GLI3: variants seen among roughly 807,000 people sequenced by gnomAD.
GLI3 encodes GLI family zinc finger 3.
Under a neutral mutation model 100.8 loss-of-function variants are expected in GLI3, and 20 were observed. That is an observed-to-expected ratio of 0.20 (90% CI 0.14 to 0.29). GLI3 has a LOEUF of 0.29. GLI3 is among the 10% of genes least tolerant of loss of function. GLI3 has a pLI of 1.00. For synonymous variants in GLI3, 938 were observed against 860.5 expected (o/e 1.09, Z -1.58); for missense variants, 2,040 against 2,128.5 (o/e 0.96, Z 0.82).
At chr7:42,013,627 C>T (rs1388258036) in intron 10 of GLI3, among the ~76,000 whole-genome samples, 1 of 152,074 alleles carries the variant, frequency 6.6e-6, no homozygotes, top group Non-Finnish European at 1.5e-5. Context: ...CCCACCACGG[C>T]CTCCCAAAGT....
intron 3 of GLI3, among the ~76,000 whole-genome samples, chr7:42,132,084 T>TATTTATTTATTTATTC (rs1310004097): frequency 1.3e-5 from 2 of 151,788 alleles, no homozygotes; most frequent in African/African-American, 4.8e-5. Flanking sequence ...ATTATTTATT[T>TATTTATTTATTTATTC]ATTTATTTAT....
At chr7:42,063,618 G>A (rs1784615579) in intron 4 of GLI3, among the ~76,000 whole-genome samples, 1 of 152,170 alleles carries the variant, frequency 6.6e-6, no homozygotes, top group African/African-American at 2.4e-5. Flanking sequence ...CAACTTCAGA[G>A]ATGTTAAAAG....
intron 2 of GLI3, among the ~76,000 whole-genome samples, chr7:42,204,785 T>C (rs1788116088): frequency 6.6e-6 from 1 of 152,114 alleles, no homozygotes; most frequent in Non-Finnish European, 1.5e-5. Context: ...TGAGACAGAA[T>C]TCTCCTGGAC....
chr7:42,069,199 A>G (rs1784738012), intron 4 of GLI3, among the ~76,000 whole-genome samples: 1 of 152,208 alleles, frequency 6.6e-6, no homozygotes, highest in African/African-American at 2.4e-5. Context: ...CTCTGAATAT[A>G]CACTATAATT....
rs1404179936 is a variant in GLI3 at position 42,085,714 on chromosome 7, TGCTTTG to T, written c.368-8863_368-8858del. The stretch of plus-strand genomic sequence containing the variant: ...AGGTACCTTCATGAAATGTCAATCC[TGCTTTG>T]GAGGCGGCAACCCTGAGGAGCTCTC... On this transcript the variant is annotated intron_variant, in intron 3 of 14. Transcript: ENST00000395925. Among the ~76,000 whole-genome samples, 28 of 152,284 alleles carry T rather than the reference TGCTTTG, an allele frequency of 1.8e-4. 1 individual carries two copies. In the South Asian group the frequency reaches 5.4e-3, roughly 29 times the overall value.
At chr7:42,213,439 A>G (rs1788310383) in intron 2 of GLI3, among the ~76,000 whole-genome samples, 1 of 152,100 alleles carries the variant, frequency 6.6e-6, no homozygotes, top group African/African-American at 2.4e-5. Flanking sequence ...AGTCTAATTG[A>G]GTTTCGTGAC....
intron 7 of GLI3, among the ~76,000 whole-genome samples, chr7:42,034,134 A>G (rs1789371274): frequency 6.6e-6 from 1 of 152,204 alleles, no homozygotes; most frequent in African/African-American, 2.4e-5. Context: ...TGGTTAGAAA[A>G]ATCATGTTAA....
At chr7:42,114,224 G>A (rs1388225624) in intron 3 of GLI3, among the ~76,000 whole-genome samples, 1 of 152,180 alleles carries the variant, frequency 6.6e-6, no homozygotes, top group African/African-American at 2.4e-5. Flanking sequence ...TGCTAAATGC[G>A]AAATGTCAAC....
chr7:42,140,042 T>A (rs1001060171), intron 3 of GLI3, among the ~76,000 whole-genome samples: 2 of 152,198 alleles, frequency 1.3e-5, no homozygotes, highest in Admixed American at 1.3e-4. Context: ...ACCACAAAGA[T>A]TCTTCTCAAG....
chr7:41,964,663 C>T lies in GLI3; in HGVS notation c.4410G>A (p.Gln1470=). 1 of 1,614,132 alleles carries T rather than the reference C, an allele frequency of 6.2e-7. No individual in the cohort carries two copies. The highest frequency in any genetic ancestry group is 8.5e-7 in the Non-Finnish European group (1 of 1,179,940). ...ACTCAGAGTTTTTGGCGCTGGTCCC[C>T]TGTAGCAGGCAGCTGGCGTCTGAAA... ...FSISDASCLL[Q]GTSAKNSELL... The change falls in exon 15 of 15, where the codon CAG becomes CAA. Residue 1470 remains glutamine, a synonymous_variant. Transcript: ENST00000395925.
rs1788598259 is a variant in GLI3, at chr7:42,011,011, C to T, written c.1497+12457G>A. The stretch of plus-strand genomic sequence containing the variant: ...GAACCTACACCCCATTCCTCTGAAT[C>T]ACCATTTAGAAATAAAATGTGGTCA... On this transcript the variant is annotated intron_variant, in intron 10 of 14. Transcript: ENST00000395925. Among the ~76,000 whole-genome samples the T allele has an allele frequency of 1.3e-5, 2 of 152,332 alleles. 1 individual carries two copies. Among genetic ancestry groups the T allele is most frequent in the Admixed American group, 1.3e-4 (2 of 15,306 alleles).
chr7:42,046,117 GA>G, intron 5 of GLI3, among the ~76,000 whole-genome samples: 1 of 152,186 alleles, frequency 6.6e-6, no homozygotes, highest in South Asian at 2.1e-4. Context: ...AAATCAAAAA[GA>G]AAATATACCT....
chr7:42,049,115 G>A (rs1430224477), intron 4 of GLI3, among the ~76,000 whole-genome samples: 1 of 151,708 alleles, frequency 6.6e-6, no homozygotes, highest in African/African-American at 2.4e-5. Context: ...AAATAAGAAA[G>A]AAAAGAAAAG....
intron 5 of GLI3, among the ~76,000 whole-genome samples, chr7:42,046,555 G>T (rs1212559343): frequency 6.6e-6 from 1 of 152,140 alleles, no homozygotes; most frequent in Non-Finnish European, 1.5e-5. Context: ...GAAAAGGAAG[G>T]CAAATGAACC....
chr7:42,186,480 A>G (rs369366775), intron 2 of GLI3, among the ~76,000 whole-genome samples: 118 of 152,322 alleles, frequency 7.7e-4, no homozygotes, highest in African/African-American at 2.8e-3. Context: ...TCTCAAAACA[A>G]GATCATGTGC....
chr7:42,055,508 T>C (rs1562706604), intron 4 of GLI3, among the ~76,000 whole-genome samples: 2 of 152,034 alleles, frequency 1.3e-5, no homozygotes, highest in East Asian at 1.9e-4. Context: ...TGGTATGGCA[T>C]TGCTCCCCCA....
Position 42,012,379 on chromosome 7 carries a change from C to T in GLI3, c.1497+11089G>A, listed in dbSNP as rs537596291. Among the ~76,000 whole-genome samples the T allele has an allele frequency of 7.2e-5, 11 of 152,152 alleles. No individual in the cohort carries two copies. The South Asian group carries it at 2.3e-3, about 32-fold the overall frequency. On this transcript the variant is annotated intron_variant, in intron 10 of 14. Coordinates refer to ENST00000395925, the MANE Select transcript of GLI3 (RefSeq NM_000168.6). ...TTTTAGAATCCACCTTGCTCCTCTC[C>T]CCCCTCCCTTTTCTTCTTCTCTCTC... is the stretch of plus-strand genomic sequence containing the variant.
At chr7:42,042,207 G>A (rs902069749) in intron 6 of GLI3, among the ~76,000 whole-genome samples, 2 of 151,870 alleles carry the variant, frequency 1.3e-5, no homozygotes, top group Non-Finnish European at 2.9e-5. Flanking sequence ...CAGAGACGGG[G>A]GTTTCACTGT....
intron 3 of GLI3, among the ~76,000 whole-genome samples, chr7:42,135,646 A>G (rs776794715): frequency 4.6e-5 from 7 of 152,066 alleles, no homozygotes; most frequent in Non-Finnish European, 8.8e-5. Context: ...TCTTTAAGTT[A>G]TTGGTTGAGA....
Sources: gnomAD v4.1 joint callset for allele counts (sites outside exome capture counted in the v4.1 genomes callset) on GRCh38, gnomAD v4.1.1 for gene constraint, MANE v1.5 for transcripts, NCBI Gene and HGNC (gene_info 2026-07-23, HGNC 2026-07-21) for gene names.